The following PHLPP1 variants were observed in gnomAD, a reference collection of about 807,000 sequenced individuals.
PHLPP1 encodes PH domain and leucine rich repeat protein phosphatase 1.
A neutral mutation model predicts 117.2 loss-of-function variants in PHLPP1; 42 were observed. The observed-to-expected ratio is 0.36, with a 90% confidence interval of 0.28 to 0.46. PHLPP1 has a LOEUF of 0.46. PHLPP1 is among the 20% of genes least tolerant of loss of function. PHLPP1 has a pLI of 1.00. For synonymous variants in PHLPP1, 1,042 were observed against 970.7 expected (o/e 1.07, Z -1.37); for missense variants, 2,084 against 2,241.9 (o/e 0.93, Z 1.42).
At chr18:62,743,773 C>T (rs947112468) in intron 1 of PHLPP1, among the ~76,000 whole-genome samples, 1 of 152,060 alleles carries the variant, frequency 6.6e-6, no homozygotes. Context: ...TCCTCTTCCA[C>T]CCTCCCCCTC....
At chr18:62,953,491 A>T (rs143216124) in intron 12 of PHLPP1, among the ~76,000 whole-genome samples, 114 of 152,250 alleles carry the variant, frequency 7.5e-4, no homozygotes, top group African/African-American at 2.6e-3. Context: ...GGGTCTTGTT[A>T]TCTGTCCCTG....
At chr18:62,766,473 G>A (rs1383983103) in intron 1 of PHLPP1, among the ~76,000 whole-genome samples, 4 of 151,956 alleles carry the variant, frequency 2.6e-5, no homozygotes, top group African/African-American at 9.7e-5. Flanking sequence ...TACAGATCTT[G>A]CATTCTGCTG....
chr18:62,839,884 A>G (rs1455389814), intron 3 of PHLPP1: 8 of 151,244 alleles, frequency 5.3e-5, no homozygotes, highest in Non-Finnish European at 1.2e-4. Flanking sequence ...AACCTGTGTA[A>G]GAATGTTTTT....
chr18:62,822,526 C>T (rs1039418006), intron 1 of PHLPP1, among the ~76,000 whole-genome samples: 1 of 151,808 alleles, frequency 6.6e-6, no homozygotes, highest in Non-Finnish European at 1.5e-5. Context: ...CCTCATGATC[C>T]GCCCGCCTCG....
intron 3 of PHLPP1, among the ~76,000 whole-genome samples, chr18:62,849,828 A>T (rs201977068): frequency 0.057 from 1,464 of 25,670 alleles, 130 homozygotes; most frequent in Non-Finnish European, 0.074. Flanking sequence ...AAAAAAAAAA[A>T]AAAAATATAT....
chr18:62,828,633 C>T lies in PHLPP1; in HGVS notation c.1577-1402C>T, dbSNP rs113566259. Reference sequence around the variant, plus strand: ...CTGTGCCCAAAGTATGTATTGGGAACGTTCAGATACTCTTTGGAGTTTCTT... The same window carrying T: ...CTGTGCCCAAAGTATGTATTGGGAATGTTCAGATACTCTTTGGAGTTTCTT... On this transcript the variant is annotated intron_variant, in intron 1 of 16. Coordinates refer to ENST00000262719, the MANE Select transcript of PHLPP1 (RefSeq NM_194449.4). 2.8e-3 allele frequency among the ~76,000 whole-genome samples: 430 copies of T among 152,272 alleles called. 2 individuals carry two copies. The highest frequency in any genetic ancestry group is 5.0e-3 in the Admixed American group (77 of 15,288).
rs140801278 is a variant in PHLPP1, at chr18:62,818,454, G to A, written c.1577-11581G>A. Among the ~76,000 whole-genome samples, 847 of 152,212 alleles carry A rather than the reference G, an allele frequency of 5.6e-3. 13 individuals are homozygous for A. The highest frequency in any genetic ancestry group is 0.019 in the African/African-American group (806 of 41,532). On this transcript the variant is annotated intron_variant, in intron 1 of 16. Transcript: ENST00000262719. ...AGGCAGGGAGAATTGCTTGAACCAG[G>A]GAGGCAGAGGTTACAGTGAGCCAAG...
chr18:62,892,335 G>C (rs544151176), intron 4 of PHLPP1, among the ~76,000 whole-genome samples: 3 of 151,458 alleles, frequency 2.0e-5, no homozygotes, highest in African/African-American at 4.8e-5. Flanking sequence ...GTGATCCACC[G>C]GCCTCAGCCT....
Position 62,979,363 on chromosome 18 carries a change from C to T in PHLPP1, c.5086C>T (p.Leu1696Phe), listed in dbSNP as rs1420082137. 1.3e-6 allele frequency: 2 copies of T among 1,548,670 alleles called. No individual in the cohort carries two copies. Among genetic ancestry groups the T allele is most frequent in the African/African-American group, 1.4e-5 (1 of 73,030 alleles). ...QQQQPPPPPQ[L>F]QPQLPRHYQL... is the part of the protein sequence containing the mutation. ...GCAGCAGCCGCCACCACCCCCTCAG[C>T]TCCAGCCGCAGCTGCCGCGGCACTA... The change falls in exon 17 of 17, where the codon CTC becomes TTC. Residue 1696 changes from leucine to phenylalanine, a missense_variant. Leu to Phe is a conservative substitution (Grantham distance 22). Transcript: ENST00000262719.
chr18:62,794,664 G>A (rs995754633), intron 1 of PHLPP1, among the ~76,000 whole-genome samples: 22 of 151,978 alleles, frequency 1.4e-4, no homozygotes, highest in African/African-American at 3.4e-4. Flanking sequence ...CATGAGCTAT[G>A]GTGACTTGCT....
intron 1 of PHLPP1, among the ~76,000 whole-genome samples, chr18:62,787,499 G>A (rs1913328673): frequency 6.6e-6 from 1 of 152,154 alleles, no homozygotes; most frequent in African/African-American, 2.4e-5. Flanking sequence ...GGAACTGAGG[G>A]GAGCAAAGAA....
chr18:62,837,229 C>A (rs1463255703), intron 2 of PHLPP1, among the ~76,000 whole-genome samples: 1 of 152,120 alleles, frequency 6.6e-6, no homozygotes, highest in African/African-American at 2.4e-5. Context: ...TGGGCTCAAG[C>A]GATCTGTCCC....
rs996980323 is a variant in PHLPP1, at chr18:62,806,306, T to A, written c.1577-23729T>A. On this transcript the variant is annotated intron_variant, in intron 1 of 16. Transcript: ENST00000262719. The stretch of plus-strand genomic sequence containing the variant: ...GCCATTTTGTTCTTGATTTATTTCT[T>A]ATGGTAATTCCAAAAAGGATTTACT... 5.9e-5 allele frequency among the ~76,000 whole-genome samples: 9 copies of A among 152,198 alleles called. No homozygotes were observed. In the East Asian group the frequency reaches 1.7e-3, roughly 29 times the overall value.
intron 4 of PHLPP1, among the ~76,000 whole-genome samples, chr18:62,892,075 T>A (rs1916433884): frequency 7.5e-6 from 1 of 133,632 alleles, no homozygotes; most frequent in Non-Finnish European, 1.6e-5. Flanking sequence ...CTTTTCTTTC[T>A]TTCTTTCTTT....
intron 1 of PHLPP1, among the ~76,000 whole-genome samples, chr18:62,786,693 G>C (rs964150552): frequency 2.0e-5 from 3 of 152,166 alleles, no homozygotes; most frequent in African/African-American, 7.2e-5. Context: ...CTTAAAGGCT[G>C]TCCTAAGCTC....
chr18:62,822,065 T>G (rs1046772054), intron 1 of PHLPP1, among the ~76,000 whole-genome samples: 23 of 152,162 alleles, frequency 1.5e-4, no homozygotes, highest in African/African-American at 5.3e-4. Flanking sequence ...TACTGCACAG[T>G]GTGGGCTATG....
chr18:62,950,477 GTTC>G (rs1451416764), intron 12 of PHLPP1, among the ~76,000 whole-genome samples: 1 of 152,176 alleles, frequency 6.6e-6, no homozygotes, highest in Non-Finnish European at 1.5e-5. Flanking sequence ...GTTTGTTGTT[GTTC>G]TTGTCTCTAA....
At chr18:62,926,696 T>C (rs1909636636) in intron 10 of PHLPP1, among the ~76,000 whole-genome samples, 2 of 152,158 alleles carry the variant, frequency 1.3e-5, no homozygotes, top group South Asian at 4.1e-4. Flanking sequence ...CGAGTTGAAG[T>C]TGAGAATTCT....
intron 1 of PHLPP1, among the ~76,000 whole-genome samples, chr18:62,760,233 C>CTA (rs1912171749): frequency 6.6e-6 from 1 of 152,062 alleles, no homozygotes; most frequent in Non-Finnish European, 1.5e-5. Flanking sequence ...AACACCAGGC[C>CTA]CACATTCCTG....
Sources: allele counts gnomAD v4.1 joint callset (sites outside exome capture counted in the v4.1 genomes callset), GRCh38; gene constraint gnomAD v4.1.1; transcripts MANE v1.5; gene names NCBI Gene and HGNC (gene_info 2026-07-23, HGNC 2026-07-21).